Variants in MRTFA observed in about 807,000 individuals in gnomAD.
The protein encoded by MRTFA is myocardin-related transcription factor A.
In MRTFA, 20 loss-of-function variants were observed where a neutral mutation model predicts 83.5. The observed-to-expected ratio is 0.24, with a 90% CI of 0.17 to 0.35. The LOEUF (loss-of-function observed/expected upper bound fraction) is 0.35. Ranked by LOEUF, MRTFA falls within the 10% of genes least tolerant of loss-of-function variation. The probability of loss-of-function intolerance (pLI) is 1.00; values close to 1 mark genes in which losing one functional copy is unlikely to be tolerated. For missense variants in MRTFA, 1,200 were observed against 1,224.7 expected, an observed-to-expected ratio of 0.98 and a Z score of 0.30; for synonymous variants, 659 against 541.2, an observed-to-expected ratio of 1.22 and a Z score of -3.02.
At chr22:40,498,469 G>C (rs1397186939) in intron 3 of MRTFA, among the ~76,000 whole-genome samples, 1 of 150,348 alleles carries the variant, frequency 6.7e-6, no homozygotes, top group African/African-American at 2.4e-5. Flanking sequence ...TTTTTTTGTA[G>C]AGATGAGGTT....
intron 2 of MRTFA, among the ~76,000 whole-genome samples, chr22:40,556,767 A>G (rs1386039149): frequency 6.6e-6 from 1 of 152,248 alleles, no homozygotes; most frequent in Non-Finnish European, 1.5e-5. Flanking sequence ...ACTGTTACAC[A>G]GGATTAATCC....
intron 4 of MRTFA, among the ~76,000 whole-genome samples, chr22:40,455,517 G>C (rs1416710369): frequency 6.6e-6 from 1 of 151,998 alleles, no homozygotes; most frequent in Non-Finnish European, 1.5e-5. Context: ...ATGGTGGCGG[G>C]TGCCCGTAGT....
intron 3 of MRTFA, among the ~76,000 whole-genome samples, chr22:40,472,502 T>C (rs2053931934): frequency 6.6e-6 from 1 of 152,214 alleles, no homozygotes. Flanking sequence ...TTTTTGACAA[T>C]AAACATGTTA....
intron 4 of MRTFA, among the ~76,000 whole-genome samples, chr22:40,450,494 C>T (rs973623235): frequency 2.0e-5 from 3 of 151,878 alleles, no homozygotes; most frequent in South Asian, 2.1e-4. Context: ...CTAACTCTGT[C>T]GCCCAGCCTG....
rs758702747 is a variant in MRTFA at position 40,418,589 on chromosome 22, C to T, written c.2149G>A (p.Gly717Arg). The change falls in exon 12 of 15, where the codon GGG (glycine) becomes AGG (arginine). Residue 717 changes from glycine to arginine, a missense_variant. Gly to Arg is a moderately radical substitution (Grantham distance 125). Transcript: ENST00000355630. ...TGCTTCACCACCACGGACGGGGGCCCCGGGGCCACAGCACAAGGGTCTATG... is the reference window on the plus strand; with the variant it reads ...TGCTTCACCACCACGGACGGGGGCCTCGGGGCCACAGCACAAGGGTCTATG... The T allele has an allele frequency of 1.3e-6, 2 of 1,549,490 alleles. No individual in the cohort carries two copies. Among genetic ancestry groups the T allele is most frequent in the African/African-American group, 1.4e-5 (1 of 72,668 alleles).
intron 14 of MRTFA, among the ~76,000 whole-genome samples, chr22:40,415,650 T>A (rs559447493): frequency 1.3e-5 from 2 of 152,184 alleles, no homozygotes; most frequent in South Asian, 4.2e-4. Flanking sequence ...ATCTGGGATC[T>A]TCTACTCCCA....
intron 3 of MRTFA, among the ~76,000 whole-genome samples, chr22:40,543,125 A>G (rs1436149859): frequency 6.6e-6 from 1 of 152,190 alleles, no homozygotes; most frequent in African/African-American, 2.4e-5. Flanking sequence ...TGACATGCCT[A>G]AGATTGGAGG....
At chr22:40,508,346 T>C (rs904218902) in intron 3 of MRTFA, among the ~76,000 whole-genome samples, 2 of 151,496 alleles carry the variant, frequency 1.3e-5, no homozygotes, top group Non-Finnish European at 2.9e-5. Flanking sequence ...CCCACGTCTA[T>C]TAAAAGTACA....
intron 1 of MRTFA, among the ~76,000 whole-genome samples, chr22:40,615,574 A>C (rs1259450312): frequency 6.6e-6 from 1 of 152,022 alleles, no homozygotes; most frequent in Non-Finnish European, 1.5e-5. Context: ...GCTTAACAAT[A>C]TTGGGTCTTT....
rs868596204 is a variant in MRTFA at position 40,435,479 on chromosome 22, G to A, written c.363+20C>T. On this transcript the variant is annotated intron_variant, in intron 5 of 14. Transcript: ENST00000355630. ...GAAAATGCTCTTTGGGAGTTCTGAG[G>A]GGGAAAAAAGGTACCTTACCCTGGC... 1 of 1,613,530 alleles carries A rather than the reference G, an allele frequency of 6.2e-7. No homozygotes were observed. Among genetic ancestry groups the A allele is most frequent in the East Asian group, 2.2e-5 (1 of 44,872 alleles).
intron 2 of MRTFA, among the ~76,000 whole-genome samples, chr22:40,575,596 T>C (rs964662018): frequency 6.6e-6 from 1 of 152,228 alleles, no homozygotes; most frequent in Non-Finnish European, 1.5e-5. Flanking sequence ...TATATCTCCA[T>C]AGCTCAACTA....
chr22:40,420,018 C>T (rs1167355196), intron 11 of MRTFA, among the ~76,000 whole-genome samples: 3 of 152,210 alleles, frequency 2.0e-5, no homozygotes, highest in Non-Finnish European at 4.4e-5. Context: ...ACCAGGTCTG[C>T]GACTGTGGAC....
chr22:40,413,646 T>C (rs1226039667), intron 14 of MRTFA, among the ~76,000 whole-genome samples: 18 of 152,140 alleles, frequency 1.2e-4, no homozygotes, highest in Non-Finnish European at 7.4e-5. Flanking sequence ...GGTTTCACCA[T>C]GTTAGCCAGG....
At chr22:40,511,475 T>A (rs1365731688) in intron 3 of MRTFA, among the ~76,000 whole-genome samples, 1 of 152,174 alleles carries the variant, frequency 6.6e-6, no homozygotes, top group Non-Finnish European at 1.5e-5. Flanking sequence ...GGGATATAGA[T>A]ACATATACAC....
intron 2 of MRTFA, among the ~76,000 whole-genome samples, chr22:40,560,848 A>G (rs547018949): frequency 1.6e-4 from 24 of 152,280 alleles, no homozygotes; most frequent in African/African-American, 5.8e-4. Context: ...GTACAGAACA[A>G]CATACGTACC....
At chr22:40,486,335 C>T (rs1199247099) in intron 3 of MRTFA, among the ~76,000 whole-genome samples, 1 of 152,178 alleles carries the variant, frequency 6.6e-6, no homozygotes, top group African/African-American at 2.4e-5. Context: ...CTTTCTTTGG[C>T]AAGAGTGTTT....
intron 1 of MRTFA, among the ~76,000 whole-genome samples, chr22:40,612,754 C>G (rs2056401242): frequency 6.6e-6 from 1 of 152,172 alleles, no homozygotes; most frequent in South Asian, 2.1e-4. Flanking sequence ...TTGATACCAG[C>G]CCGGACAACA....
At chr22:40,578,490 G>C (rs1379544560) in intron 2 of MRTFA, among the ~76,000 whole-genome samples, 1 of 152,202 alleles carries the variant, frequency 6.6e-6, no homozygotes, top group Non-Finnish European at 1.5e-5. Context: ...AGAAGGGCCA[G>C]GCGCAGTGGC....
At chr22:40,412,739 A>G (rs1366078154) in intron 14 of MRTFA, 1 of 152,246 alleles carries the variant, frequency 6.6e-6, no homozygotes, top group Non-Finnish European at 1.5e-5. Context: ...TAATGGGGAT[A>G]GTTTCAGTTT....
Sources: allele counts gnomAD v4.1 joint callset (sites outside exome capture counted in the v4.1 genomes callset), GRCh38; gene constraint gnomAD v4.1.1; transcripts MANE v1.5; gene names NCBI Gene and HGNC (gene_info 2026-07-23, HGNC 2026-07-21).